The following ATP5F1E variants were observed in gnomAD, a reference collection of about 807,000 sequenced individuals.
ATP5F1E encodes the protein ATP synthase F1 subunit epsilon, also known as ATP synthase F(1) complex subunit epsilon, mitochondrial.
Under a neutral mutation model 7.0 loss-of-function variants are expected in ATP5F1E, and 5 were observed. The observed-to-expected ratio is 0.71, with a 90% CI of 0.37 to 1.49. The LOEUF is 1.49. ATP5F1E is among the 40% of genes most tolerant of loss of function. The probability of loss-of-function intolerance (pLI) is 0.03; values close to 1 mark genes in which losing one functional copy is unlikely to be tolerated. For missense variants in ATP5F1E, 59 were observed against 57.1 expected (o/e 1.03, Z -0.11); for synonymous variants, 20 against 20.1 (o/e 0.99, Z 0.02).
chr20:59,026,922 TC>T lies in ATP5F1E; in HGVS notation c.*1922del, dbSNP rs1182560292. 6.6e-6 allele frequency: 1 copy of T among 152,238 alleles called. No homozygotes were observed. Among genetic ancestry groups the T allele is most frequent in the Non-Finnish European group, 1.5e-5 (1 of 68,052 alleles). The allele number at this position is 152,238 out of a possible 1,614,324, so 9.4% of individuals were successfully genotyped here. ...TGAACTAAGAGATTAACTGACAGCTTCAAACATCATCCAACTAATTAGTGGG... is the reference window on the plus strand; with the variant it reads ...TGAACTAAGAGATTAACTGACAGCTTAAACATCATCCAACTAATTAGTGGG... On this transcript the variant is annotated 3_prime_UTR_variant, in exon 3 of 3. Coordinates refer to ENST00000243997, the MANE Select transcript of ATP5F1E (RefSeq NM_006886.4).
At position 59,028,064 on chromosome 20, in the gene ATP5F1E, A is replaced by G. The variant is rs1012377552; in HGVS notation, c.*781T>C. 1.3e-5 allele frequency: 2 copies of G among 152,220 alleles called. No homozygotes were observed. The highest frequency in any genetic ancestry group is 4.8e-5 in the African/African-American group (2 of 41,448). The allele number at this position is 152,220 out of a possible 1,614,324, so 9.4% of individuals were successfully genotyped here. A position where few individuals can be genotyped will look rare whatever the true frequency, so the allele number is the denominator to read the frequency against. On this transcript the variant is annotated 3_prime_UTR_variant, in exon 3 of 3. Coordinates refer to ENST00000243997, the MANE Select transcript of ATP5F1E (RefSeq NM_006886.4). ...AAAGATAAAAACATAACTTGCAACA[A>G]TTTTTCATCCCTAAATAATGAATGA... is the stretch of plus-strand genomic sequence containing the variant.
intron 1 of ATP5F1E, among the ~76,000 whole-genome samples, chr20:59,031,334 A>G (rs931127277): frequency 7.9e-5 from 12 of 152,232 alleles, no homozygotes; most frequent in African/African-American, 2.7e-4. Flanking sequence ...ACAAGTGTGA[A>G]AAAGTATGGA....
rs2091992512 is a variant in ATP5F1E, at chr20:59,026,017, C to T, written c.*2828G>A. The T allele has an allele frequency of 4.6e-5, 7 of 152,186 alleles. No homozygotes were observed. 9.4% of individuals were successfully genotyped at this position (152,186 alleles called of 1,614,324 possible). On this transcript the variant is annotated 3_prime_UTR_variant, in exon 3 of 3. Coordinates refer to ENST00000243997, the MANE Select transcript of ATP5F1E (RefSeq NM_006886.4). The stretch of plus-strand genomic sequence containing the variant: ...CCTCTAGAATTACCACTGAGATACA[C>T]TATTTGATCCATGGATAACCGGTAA...
chr20:59,029,890 G>C, intron 2 of ATP5F1E: 1 of 260,978 alleles, frequency 3.8e-6, no homozygotes, highest in Non-Finnish European at 7.5e-6. Context: ...AACATTAGTG[G>C]TTGTGGGGGA....
At chr20:59,032,099 G>A (rs1015357356) in intron 1 of ATP5F1E, 121 bp downstream of exon 1, 92 of 1,400,944 alleles carry the variant, frequency 6.6e-5, no homozygotes, top group Middle Eastern at 4.9e-4. Context: ...GGCGACGCCC[G>A]AGGCTTGGCC....
intron 1 of ATP5F1E, 97 bp from the exon 2 acceptor site, chr20:59,030,526 T>C (rs2092020608): frequency 2.0e-5 from 29 of 1,485,964 alleles, no homozygotes; most frequent in Non-Finnish European, 2.5e-5. Flanking sequence ...CTTTTTATTT[T>C]GGTTTGGTTG....
chr20:59,030,882 C>T (rs2092023485), intron 1 of ATP5F1E, among the ~76,000 whole-genome samples: 1 of 152,156 alleles, frequency 6.6e-6, no homozygotes, highest in Non-Finnish European at 1.5e-5. Flanking sequence ...TGAATTAAAA[C>T]AATTCGTTCT....
At position 59,032,274 on chromosome 20, in the gene ATP5F1E, T is replaced by A. The variant is rs771243724; in HGVS notation, c.-23A>T. 1.9e-6 allele frequency: 3 copies of A among 1,596,498 alleles called. No individual in the cohort carries two copies. Among genetic ancestry groups the A allele is most frequent in the Non-Finnish European group, 2.6e-6 (3 of 1,171,980 alleles). ...CATGCTGTAGCGAAAGCGGAGCTCG[T>A]CGGGCCGAATCGCCAAGACGCCGGC... On this transcript the variant is annotated 5_prime_UTR_variant, in exon 1 of 3. Transcript: ENST00000243997.
chr20:59,029,723 T>C (rs1218708359), intron 2 of ATP5F1E: 3 of 161,328 alleles, frequency 1.9e-5, no homozygotes, highest in Non-Finnish European at 4.1e-5. Context: ...ATCACCAACA[T>C]CTTTGGAAAA....
chr20:59,029,096 C>G (rs1241440868), intron 2 of ATP5F1E: 2 of 152,210 alleles, frequency 1.3e-5, no homozygotes, highest in Non-Finnish European at 2.9e-5. Context: ...ACTAACATCT[C>G]CTTGTGCTAA....
chr20:59,028,482 G>A lies in ATP5F1E; in HGVS notation c.*363C>T, dbSNP rs1381443051. On this transcript the variant is annotated 3_prime_UTR_variant, in exon 3 of 3. Coordinates refer to ENST00000243997, the MANE Select transcript of ATP5F1E (RefSeq NM_006886.4). ...GGACTACGAAGCCTCAATGACAGCA[G>A]ATAATTTTGATCACCAATTAATGTC... is the stretch of plus-strand genomic sequence containing the variant. The A allele has an allele frequency of 6.6e-6, 1 of 152,398 alleles. No individual in the cohort carries two copies. Among genetic ancestry groups the A allele is most frequent in the Non-Finnish European group, 1.5e-5 (1 of 68,030 alleles). The allele number at this position is 152,398 out of a possible 1,614,324, so 9.4% of individuals were successfully genotyped here.
At chr20:59,031,409 AT>A (rs2092028448) in intron 1 of ATP5F1E, among the ~76,000 whole-genome samples, 2 of 152,196 alleles carry the variant, frequency 1.3e-5, no homozygotes, top group Non-Finnish European at 2.9e-5. Flanking sequence ...CATCCTTCCA[AT>A]TCTACAAGAC....
In ATP5F1E at chr20:59,026,087, G is replaced by A. The variant is rs576706620; in HGVS notation, c.*2758C>T. 1 of 152,278 alleles carries A rather than the reference G, an allele frequency of 6.6e-6. No individual in the cohort carries two copies. The highest frequency in any genetic ancestry group is 2.1e-4 in the South Asian group (1 of 4,824). The allele number at this position is 152,278 out of a possible 1,614,324, so 9.4% of individuals were successfully genotyped here. The stretch of plus-strand genomic sequence containing the variant: ...TCAATGCAGTAAATATTTACTTGCA[G>A]GCAACTGGGTTCTCATCTCTTGATT... On this transcript the variant is annotated 3_prime_UTR_variant, in exon 3 of 3. Coordinates refer to ENST00000243997, the MANE Select transcript of ATP5F1E (RefSeq NM_006886.4).
At chr20:59,032,177 G>C in intron 1 of ATP5F1E, 43 bp downstream of exon 1, 1 of 1,551,788 alleles carries the variant, frequency 6.4e-7, no homozygotes, top group Non-Finnish European at 8.7e-7. Context: ...GGATGCGCGC[G>C]GGCCGGCTCG....
Position 59,026,779 on chromosome 20 carries a change from T to G in ATP5F1E, c.*2066A>C. 6.6e-6 allele frequency: 1 copy of G among 152,208 alleles called. No homozygotes were observed. The highest frequency in any genetic ancestry group is 1.9e-4 in the East Asian group (1 of 5,194). The allele number at this position is 152,208 out of a possible 1,614,324, so 9.4% of individuals were successfully genotyped here. The stretch of plus-strand genomic sequence containing the variant: ...ACTTAAGAAATCTGTCCCTTTTGAT[T>G]TTGAAGAGCTTATCCTTTAGCAGTA... On this transcript the variant is annotated 3_prime_UTR_variant, in exon 3 of 3. Coordinates refer to ENST00000243997, the MANE Select transcript of ATP5F1E (RefSeq NM_006886.4).
At position 59,025,521 on chromosome 20, in the gene ATP5F1E, A is replaced by G. The variant is rs2091989867; in HGVS notation, c.*3324T>C. On this transcript the variant is annotated 3_prime_UTR_variant, in exon 3 of 3. Coordinates refer to ENST00000243997, the MANE Select transcript of ATP5F1E (RefSeq NM_006886.4). ...TCTGAAGAGCTAGCCTTTAACATAT[A>G]TGTTTATATAGTTTAAATTTCTTAC... 2 of 152,334 alleles carry G rather than the reference A, an allele frequency of 1.3e-5. No individual in the cohort carries two copies. Among genetic ancestry groups the G allele is most frequent in the African/African-American group, 2.4e-5 (1 of 41,446 alleles). The allele number at this position is 152,334 out of a possible 1,614,324, so 9.4% of individuals were successfully genotyped here.
chr20:59,031,064 A>G (rs1191680200), intron 1 of ATP5F1E, among the ~76,000 whole-genome samples: 1 of 152,222 alleles, frequency 6.6e-6, no homozygotes, highest in African/African-American at 2.4e-5. Context: ...ACTCCCATCA[A>G]CACTGTAGTT....
rs2092005110 is a variant in ATP5F1E at position 59,028,288 on chromosome 20, T to C, written c.*557A>G. The C allele has an allele frequency of 6.6e-6, 1 of 152,262 alleles. No homozygotes were observed. Among genetic ancestry groups the C allele is most frequent in the Admixed American group, 6.5e-5 (1 of 15,286 alleles). The allele number at this position is 152,262 out of a possible 1,614,324, so 9.4% of individuals were successfully genotyped here. A position where few individuals can be genotyped will look rare whatever the true frequency, so the allele number is the denominator to read the frequency against. On this transcript the variant is annotated 3_prime_UTR_variant, in exon 3 of 3. Transcript: ENST00000243997. ...ACAAAACAATGTGAAAAACACTTTG[T>C]GCTTAAATTCTGTAACCGTTCTTAT...
At chr20:59,030,198 A>G (rs2092016962) in intron 2 of ATP5F1E, 105 bp downstream of exon 2, 1 of 1,447,314 alleles carries the variant, frequency 6.9e-7, no homozygotes, top group Non-Finnish European at 9.4e-7. Context: ...TTCCAAATAC[A>G]CTGACTAAAA....
Sources: allele counts gnomAD v4.1 joint callset (sites outside exome capture counted in the v4.1 genomes callset), GRCh38; gene constraint gnomAD v4.1.1; transcripts MANE v1.5; gene names NCBI Gene and HGNC (gene_info 2026-07-23, HGNC 2026-07-21).